CCBE1: variants seen among roughly 807,000 people sequenced by gnomAD.
The protein encoded by CCBE1 is collagen and calcium binding EGF domains 1.
Under a neutral mutation model 50.0 loss-of-function variants are expected in CCBE1, and 37 were observed. That is an observed-to-expected ratio of 0.74 (90% CI 0.57 to 0.97). The LOEUF (loss-of-function observed/expected upper bound fraction) is 0.97, where lower values mean the gene tolerates loss of function less well. Ranked by LOEUF, CCBE1 falls within the 50% of genes least tolerant of loss-of-function variation. The pLI, the probability that CCBE1 is intolerant of heterozygous loss-of-function variation, is 0.00. For missense variants in CCBE1, 538 were observed against 523.8 expected (o/e 1.03, Z -0.26); for synonymous variants, 234 against 203.7 (o/e 1.15, Z -1.27).
At chr18:59,506,467 G>T (rs1913877917) in intron 2 of CCBE1, among the ~76,000 whole-genome samples, 1 of 152,206 alleles carries the variant, frequency 6.6e-6, no homozygotes, top group African/African-American at 2.4e-5. Flanking sequence ...ACTTGCTAAA[G>T]GAATGAAGGG....
intron 2 of CCBE1, among the ~76,000 whole-genome samples, chr18:59,660,145 T>A (rs1258950687): frequency 6.6e-6 from 1 of 152,164 alleles, no homozygotes; most frequent in African/African-American, 2.4e-5. Context: ...GGGGCCGAAA[T>A]CCAGCCTGCA....
At chr18:59,687,090 C>A (rs2054665205) in intron 2 of CCBE1, among the ~76,000 whole-genome samples, 1 of 152,164 alleles carries the variant, frequency 6.6e-6, no homozygotes. Context: ...AAAAATTGAG[C>A]CATTTCTTTG....
At chr18:59,439,440 C>CAA in intron 9 of CCBE1, 103 bp downstream of exon 9, 1 of 1,410,156 alleles carries the variant, frequency 7.1e-7, no homozygotes, top group African/African-American at 1.4e-5. Flanking sequence ...GCACTCCAGC[C>CAA]TGGGTGACAG....
chr18:59,464,297 A>G (rs1911637945), intron 5 of CCBE1, among the ~76,000 whole-genome samples: 1 of 152,108 alleles, frequency 6.6e-6, no homozygotes, highest in South Asian at 2.1e-4. Flanking sequence ...GAGTGGTAGC[A>G]GGCACCTGTA....
chr18:59,526,058 T>C (rs1914806571), intron 2 of CCBE1, among the ~76,000 whole-genome samples: 1 of 152,180 alleles, frequency 6.6e-6, no homozygotes, highest in Admixed American at 6.5e-5. Flanking sequence ...CTTAAGATTG[T>C]CCTGGCTATA....
intron 2 of CCBE1, among the ~76,000 whole-genome samples, chr18:59,527,077 AT>A (rs1914854448): frequency 6.6e-6 from 1 of 151,948 alleles, no homozygotes; most frequent in Admixed American, 6.6e-5. Context: ...TTTTCTCTCG[AT>A]GATCTAATAT....
At chr18:59,607,699 C>G (rs563046294) in intron 2 of CCBE1, among the ~76,000 whole-genome samples, 59 of 152,312 alleles carry the variant, frequency 3.9e-4, no homozygotes, top group African/African-American at 1.4e-3. Context: ...CTGGACTCAA[C>G]CAAGGTTCAA....
chr18:59,542,068 G>A (rs556377626), intron 2 of CCBE1, among the ~76,000 whole-genome samples: 10 of 151,954 alleles, frequency 6.6e-5, no homozygotes, highest in East Asian at 3.9e-4. Context: ...CAGCTACACC[G>A]GAGGCTGAGG....
chr18:59,671,827 G>GC (rs2054436518), intron 2 of CCBE1, among the ~76,000 whole-genome samples: 1 of 149,812 alleles, frequency 6.7e-6, no homozygotes, highest in Non-Finnish European at 1.5e-5. Flanking sequence ...AAAAAGGGGG[G>GC]GGGTAGTCAG....
intron 2 of CCBE1, among the ~76,000 whole-genome samples, chr18:59,521,429 G>GT (rs1027154899): frequency 1.5e-4 from 22 of 150,734 alleles, no homozygotes; most frequent in South Asian, 6.3e-4. Flanking sequence ...TTTGTTTTTT[G>GT]TTTTTTTTTC....
chr18:59,438,396 A>G (rs537455448), intron 9 of CCBE1, among the ~76,000 whole-genome samples: 19 of 152,320 alleles, frequency 1.2e-4, no homozygotes, highest in African/African-American at 4.1e-4. Context: ...AGGAATGTTC[A>G]TATTTCCCAA....
In CCBE1 at chr18:59,434,586, T is replaced by C. The variant is rs1024236226; in HGVS notation, c.*1322A>G. The C allele has an allele frequency of 4.6e-5, 7 of 152,096 alleles. No individual in the cohort carries two copies. Among genetic ancestry groups the C allele is most frequent in the Admixed American group, 2.0e-4 (3 of 15,274 alleles). The allele number at this position is 152,096 out of a possible 1,614,324, so 9.4% of individuals were successfully genotyped here. On this transcript the variant is annotated 3_prime_UTR_variant, in exon 11 of 11. Coordinates refer to ENST00000439986, the MANE Select transcript of CCBE1 (RefSeq NM_133459.4). ...GCTCTGAGAAAACACTCTAACTCAC[T>C]AGGAGGTGGAGATATAGACCTTTTT...
chr18:59,604,881 C>T (rs149565277), intron 2 of CCBE1, among the ~76,000 whole-genome samples: 52 of 152,326 alleles, frequency 3.4e-4, no homozygotes, highest in African/African-American at 1.2e-3. Context: ...TGCTAAGATG[C>T]TTGATAGGTA....
chr18:59,521,618 C>A (rs1316838894), intron 2 of CCBE1, among the ~76,000 whole-genome samples: 1 of 152,152 alleles, frequency 6.6e-6, no homozygotes, highest in East Asian at 1.9e-4. Context: ...TCTGTGTTTA[C>A]CTCGTTTGAG....
At chr18:59,667,210 C>T (rs1019241713) in intron 2 of CCBE1, among the ~76,000 whole-genome samples, 4 of 152,018 alleles carry the variant, frequency 2.6e-5, no homozygotes, top group South Asian at 2.1e-4. Context: ...TCAAGGCTGC[C>T]GTGAGCCATG....
intron 2 of CCBE1, among the ~76,000 whole-genome samples, chr18:59,565,104 G>A (rs2052800917): frequency 1.3e-5 from 2 of 152,210 alleles, no homozygotes; most frequent in South Asian, 2.1e-4. Context: ...TGAGGTAGAG[G>A]CAAGGGCCAC....
chr18:59,556,228 C>T (rs539318827), intron 2 of CCBE1, among the ~76,000 whole-genome samples: 1 of 152,268 alleles, frequency 6.6e-6, no homozygotes, highest in African/African-American at 2.4e-5. Flanking sequence ...GACAAGGTGT[C>T]TTGTCCTCAA....
intron 2 of CCBE1, among the ~76,000 whole-genome samples, chr18:59,627,104 CCATCATT>C (rs1448683540): frequency 6.6e-6 from 1 of 152,180 alleles, no homozygotes; most frequent in Admixed American, 6.5e-5. Flanking sequence ...ATAAAACAAT[CCATCATT>C]CATCAGTTCA....
chr18:59,628,250 T>C (rs888676048), intron 2 of CCBE1, among the ~76,000 whole-genome samples: 32 of 152,190 alleles, frequency 2.1e-4, no homozygotes, highest in Non-Finnish European at 4.3e-4. Flanking sequence ...TTCCATCTTT[T>C]TGGATATTCT....
Sources: allele counts gnomAD v4.1 joint callset (sites outside exome capture counted in the v4.1 genomes callset), GRCh38; gene constraint gnomAD v4.1.1; transcripts MANE v1.5; gene names NCBI Gene and HGNC (gene_info 2026-07-23, HGNC 2026-07-21).